Variants in ABCC6 observed in about 807,000 individuals in gnomAD.
ABCC6 encodes the protein ATP binding cassette subfamily C member 6, also known as ATP-binding cassette sub-family C member 6.
Under a neutral mutation model 169.5 loss-of-function variants are expected in ABCC6, and 126 were observed. The ratio of observed to expected loss-of-function variants is 0.74; its 90% CI spans 0.64 to 0.86. The LOEUF (loss-of-function observed/expected upper bound fraction) is 0.86, where lower values mean the gene tolerates loss of function less well. Among genes scored for constraint, ABCC6 ranks in the 40% least tolerant of loss-of-function variants. The pLI is 0.00. For missense variants in ABCC6, 1,733 were observed against 1,927.2 expected (o/e 0.90, Z 1.89); for synonymous variants, 752 against 814.7 (o/e 0.92, Z 1.31).
intron 11 of ABCC6, 32 bp downstream of exon 11, chr16:16,192,798 T>C: frequency 6.3e-7 from 1 of 1,590,028 alleles, no homozygotes; most frequent in African/African-American, 1.3e-5. Flanking sequence ...CCCTACTTCC[T>C]GCCTGGTCCG....
At chr16:16,209,802 G>A (rs2152290727) in intron 6 of ABCC6, among the ~76,000 whole-genome samples, 1 of 151,992 alleles carries the variant, frequency 6.6e-6, no homozygotes, top group Non-Finnish European at 1.5e-5. Context: ...CACCATGCTG[G>A]CCAGGCTGGT....
At chr16:16,161,680 G>T in intron 24 of ABCC6, 116 bp from the exon 25 acceptor site, 3 of 1,402,654 alleles carry the variant, frequency 2.1e-6, no homozygotes, top group Non-Finnish European at 3.0e-6. Flanking sequence ...TCCCAGCAAT[G>T]GCCTCCACAT....
intron 17 of ABCC6, among the ~76,000 whole-genome samples, chr16:16,181,204 A>G (rs1054479448): frequency 2.0e-5 from 3 of 151,980 alleles, no homozygotes; most frequent in Admixed American, 1.3e-4. Context: ...GCTACTCATG[A>G]GGCTGAGGTG....
chr16:16,217,508 G>C (rs933662415), intron 4 of ABCC6, among the ~76,000 whole-genome samples: 1 of 152,134 alleles, frequency 6.6e-6, no homozygotes, highest in Non-Finnish European at 1.5e-5. Flanking sequence ...CCAGGAGTTT[G>C]AGACCAGCCT....
intron 20 of ABCC6, among the ~76,000 whole-genome samples, chr16:16,175,595 G>A (rs1471547145): frequency 6.6e-6 from 1 of 152,188 alleles, no homozygotes; most frequent in African/African-American, 2.4e-5. Context: ...ACAGCTATGG[G>A]GAGGAACCAG....
intron 21 of ABCC6, 67 bp from the exon 22 acceptor site, chr16:16,169,920 G>C: frequency 6.8e-7 from 1 of 1,480,538 alleles, no homozygotes; most frequent in Non-Finnish European, 9.2e-7. Context: ...TTGAGGCAAG[G>C]CCAGGCGAGG....
intron 22 of ABCC6, among the ~76,000 whole-genome samples, chr16:16,167,779 T>A (rs181301322): frequency 1.3e-5 from 2 of 152,276 alleles, no homozygotes; most frequent in Non-Finnish European, 2.9e-5. Context: ...TGGAGCTGAA[T>A]TTTTTATTCT....
chr16:16,149,989 T>C lies in ABCC6; in HGVS notation c.*144A>G, dbSNP rs1290024063. The C allele has an allele frequency of 7.7e-7, 1 of 1,306,046 alleles. No individual in the cohort carries two copies. Among genetic ancestry groups the C allele is most frequent in the Non-Finnish European group, 1.1e-6 (1 of 929,076 alleles). The allele number at this position is 1,306,046 out of a possible 1,614,324, so 80.9% of individuals were successfully genotyped here. ...TGATGCTCTGTGATAATTGGCCACT[T>C]TCTCTGCCATTTTCCTCCCAGAGAG... On this transcript the variant is annotated 3_prime_UTR_variant, in exon 31 of 31. Transcript: ENST00000205557.
At chr16:16,187,254 A>G (rs2047680598) in intron 13 of ABCC6, 43 bp from the exon 14 acceptor site, 1 of 1,554,734 alleles carries the variant, frequency 6.4e-7, no homozygotes, top group Non-Finnish European at 8.8e-7. Flanking sequence ...AGAAGAGCAA[A>G]GAACTCAGGT....
intron 26 of ABCC6, among the ~76,000 whole-genome samples, chr16:16,158,364 C>T (rs1235453452): frequency 6.6e-6 from 1 of 152,000 alleles, no homozygotes; most frequent in African/African-American, 2.4e-5. Flanking sequence ...TCCTTTCTTC[C>T]ACCCAATCCC....
intron 21 of ABCC6, among the ~76,000 whole-genome samples, chr16:16,172,127 AATGGAT>A (rs1567488838): frequency 1.5e-4 from 14 of 93,000 alleles, no homozygotes; most frequent in South Asian, 4.1e-4. Flanking sequence ...TGGATAAATG[AATGGAT>A]GGGATGCATA....
chr16:16,187,308 C>G, intron 13 of ABCC6, 97 bp from the exon 14 acceptor site: 1 of 966,978 alleles, frequency 1.0e-6, no homozygotes, highest in Non-Finnish European at 1.6e-6. Flanking sequence ...AGCTTCCTGT[C>G]TACCAAGCTC....
At chr16:16,159,334 C>G (rs930590256) in intron 26 of ABCC6, 148 bp downstream of exon 26, 4 of 790,698 alleles carry the variant, frequency 5.1e-6, no homozygotes, top group Non-Finnish European at 8.4e-6. Context: ...GCCACCCTGT[C>G]TGTGACTCTG....
chr16:16,191,364 C>A (rs2047848918), intron 11 of ABCC6, among the ~76,000 whole-genome samples: 2 of 152,074 alleles, frequency 1.3e-5, no homozygotes, highest in Admixed American at 1.3e-4. Context: ...GATCTGCCTG[C>A]CTCGGCCTCC....
chr16:16,169,881 C>G, intron 21 of ABCC6, 28 bp from the exon 22 acceptor site: 2 of 1,548,346 alleles, frequency 1.3e-6, no homozygotes, highest in Non-Finnish European at 1.7e-6. Flanking sequence ...GAGAGGGAGG[C>G]AGAGAGAGCC....
chr16:16,167,499 C>A (rs2046914259), intron 22 of ABCC6, among the ~76,000 whole-genome samples: 1 of 152,122 alleles, frequency 6.6e-6, no homozygotes, highest in Admixed American at 6.6e-5. Context: ...AGACGGAGTC[C>A]TGCTCTGTCA....
intron 6 of ABCC6, among the ~76,000 whole-genome samples, chr16:16,209,339 C>T (rs1271744872): frequency 6.6e-6 from 1 of 152,208 alleles, no homozygotes; most frequent in Non-Finnish European, 1.5e-5. Context: ...CTGCCTCAGC[C>T]TCCCAAAGTG....
rs1249056200 is a variant in ABCC6 at position 16,149,868 on chromosome 16, G to A, written c.*265C>T. On this transcript the variant is annotated 3_prime_UTR_variant, in exon 31 of 31. Transcript: ENST00000205557. The stretch of plus-strand genomic sequence containing the variant: ...CCCCCAGGTGAGTCCAGAGTACAGC[G>A]GGGCTGAGAGTCGCTGTTGACATTG... 13 of 568,058 alleles carry A rather than the reference G, an allele frequency of 2.3e-5. No homozygotes were observed. The highest frequency in any genetic ancestry group is 4.8e-4 in the Middle Eastern group (1 of 2,100). 35.2% of individuals were successfully genotyped at this position (568,058 alleles called of 1,614,324 possible).
intron 7 of ABCC6, among the ~76,000 whole-genome samples, chr16:16,207,641 C>G (rs1458088383): frequency 6.6e-6 from 1 of 152,188 alleles, no homozygotes; most frequent in East Asian, 1.9e-4. Flanking sequence ...GAACTTCCCA[C>G]AGAGCTAACT....
Sources: allele counts gnomAD v4.1 joint callset (sites outside exome capture counted in the v4.1 genomes callset), GRCh38; gene constraint gnomAD v4.1.1; transcripts MANE v1.5; gene names NCBI Gene and HGNC (gene_info 2026-07-23, HGNC 2026-07-21).